Variants in ASB5 observed in about 807,000 individuals in gnomAD.
ASB5 encodes the protein ankyrin repeat and SOCS box containing 5.
ASB5 carries 45 observed loss-of-function variants against 42.1 expected under a neutral mutation model. The ratio of observed to expected loss-of-function variants is 1.07; its 90% confidence interval spans 0.84 to 1.37. The LOEUF (loss-of-function observed/expected upper bound fraction) is 1.37. Ranked by LOEUF, ASB5 falls within the 40% of genes most tolerant of loss-of-function variation. The pLI is 0.00. For synonymous variants in ASB5, 147 were observed against 150.6 expected (o/e 0.98, Z 0.18); for missense variants, 402 against 399.8 (o/e 1.01, Z -0.05).
chr4:176,216,328 G>A (rs1310875769), intron 6 of ASB5, among the ~76,000 whole-genome samples: 1 of 152,118 alleles, frequency 6.6e-6, no homozygotes, highest in African/African-American at 2.4e-5. Flanking sequence ...GTTTAGGTAA[G>A]ATGAAAGAGA....
upstream of ASB5, among the ~76,000 whole-genome samples, chr4:176,273,970 A>G (rs1302267216): frequency 1.3e-5 from 2 of 152,180 alleles, no homozygotes; most frequent in Non-Finnish European, 2.9e-5. Context: ...ACCTAAGTCC[A>G]TGTACTTATC....
rs781353025 is a variant in ASB5, at chr4:176,216,989, T to C, written c.691A>G (p.Lys231Glu). 3.7e-6 allele frequency: 6 copies of C among 1,608,866 alleles called. No individual in the cohort carries two copies. The highest frequency in any genetic ancestry group is 5.1e-6 in the Non-Finnish European group (6 of 1,178,370). ...GCATGTAATGGAGTATCCCAATATT[T>C]GCCTTTCTGTACGTCAGCACCTACA... ...LYAGADVQKG[K>E]YWDTPLHAAA... Residue 231 changes from lysine to glutamate, a missense_variant, in exon 6 of 7, where the codon AAA (lysine) becomes GAA (glutamate). By Grantham distance (56) the Lys-to-Glu change is moderately conservative. Transcript: ENST00000296525.
At chr4:176,227,732 C>T (rs1276412875) in intron 1 of ASB5, among the ~76,000 whole-genome samples, 1 of 152,136 alleles carries the variant, frequency 6.6e-6, no homozygotes, top group Admixed American at 6.5e-5. Flanking sequence ...ACTGCAGCCT[C>T]CTACCTGCAG....
At chr4:176,254,379 C>T (rs1408715192) in intron 1 of ASB5, among the ~76,000 whole-genome samples, 1 of 152,048 alleles carries the variant, frequency 6.6e-6, no homozygotes, top group Non-Finnish European at 1.5e-5. Context: ...TGAAACTGGA[C>T]CCCTTCCTTA....
intron 1 of ASB5, chr4:176,237,171 A>G (rs1753706712): frequency 1.6e-6 from 1 of 617,998 alleles, no homozygotes; most frequent in Non-Finnish European, 2.0e-6. Flanking sequence ...TTGCCATGCC[A>G]TACATGTGCA....
At chr4:176,263,340 G>A (rs1357489658) in intron 1 of ASB5, among the ~76,000 whole-genome samples, 1 of 147,700 alleles carries the variant, frequency 6.8e-6, no homozygotes, top group Non-Finnish European at 1.5e-5. Context: ...CAGAAGGAGA[G>A]GAAAAGCATT....
chr4:176,219,454 T>G (rs183885315), intron 5 of ASB5, among the ~76,000 whole-genome samples: 2,631 of 38,566 alleles, frequency 0.068, 1 homozygote, highest in East Asian at 0.081. Context: ...TTGTATGATA[T>G]ATAAATATAT....
chr4:176,258,976 T>C (rs536425483), intron 1 of ASB5, among the ~76,000 whole-genome samples: 2 of 152,304 alleles, frequency 1.3e-5, no homozygotes, highest in South Asian at 2.1e-4. Flanking sequence ...AGGTTTTTTT[T>C]CTCCAGCCAG....
At chr4:176,267,204 G>GT (rs1459837579) in intron 1 of ASB5, among the ~76,000 whole-genome samples, 3 of 152,182 alleles carry the variant, frequency 2.0e-5, no homozygotes, top group Non-Finnish European at 4.4e-5. Flanking sequence ...GTTTACTCGT[G>GT]TATCTGCAAA....
At chr4:176,259,423 C>A (rs1384466559) in intron 1 of ASB5, among the ~76,000 whole-genome samples, 1 of 152,168 alleles carries the variant, frequency 6.6e-6, no homozygotes, top group Non-Finnish European at 1.5e-5. Context: ...CATAAGTGCA[C>A]ATAAATCTCC....
rs1752910302 is a variant in ASB5, at chr4:176,214,363, T to C, written c.*1237A>G. 1 of 152,148 alleles carries C rather than the reference T, an allele frequency of 6.6e-6. No homozygotes were observed. Among genetic ancestry groups the C allele is most frequent in the Admixed American group, 6.6e-5 (1 of 15,252 alleles). The allele number at this position is 152,148 out of a possible 1,614,324, so 9.4% of individuals were successfully genotyped here. The stretch of plus-strand genomic sequence containing the variant: ...GTTTTACAAAGAGTTGTACGTTGAT[T>C]ATCTTATTTCTAAAATCATAATAGG... On this transcript the variant is annotated 3_prime_UTR_variant, in exon 7 of 7. Coordinates refer to ENST00000296525, the MANE Select transcript of ASB5 (RefSeq NM_080874.4).
chr4:176,216,233 A>G lies in ASB5; in HGVS notation c.863-506T>C, dbSNP rs186497666. On this transcript the variant is annotated intron_variant, in intron 6 of 6. Coordinates refer to ENST00000296525, the MANE Select transcript of ASB5 (RefSeq NM_080874.4). ...CCTTATAAAATGGGGCATGCTCCAA[A>G]TATAAATCAGCAGATATTATACCAG... 2.1e-3 allele frequency among the ~76,000 whole-genome samples: 325 copies of G among 152,320 alleles called. 3 individuals carry two copies. Among genetic ancestry groups the G allele is most frequent in the African/African-American group, 7.4e-3 (309 of 41,580 alleles).
chr4:176,253,941 G>T (rs905362782), intron 1 of ASB5, among the ~76,000 whole-genome samples: 2 of 152,120 alleles, frequency 1.3e-5, no homozygotes, highest in Non-Finnish European at 2.9e-5. Context: ...TTCCATGCTC[G>T]TGGATTTGAA....
chr4:176,261,282 A>G (rs1373694816), intron 1 of ASB5, among the ~76,000 whole-genome samples: 3 of 152,236 alleles, frequency 2.0e-5, no homozygotes, highest in Non-Finnish European at 4.4e-5. Flanking sequence ...TGAAACACAC[A>G]TAATGACATA....
At chr4:176,242,009 G>A (rs1468117899) in intron 1 of ASB5, among the ~76,000 whole-genome samples, 1 of 152,160 alleles carries the variant, frequency 6.6e-6, no homozygotes, top group Non-Finnish European at 1.5e-5. Flanking sequence ...GGTCAAAGGG[G>A]AAGATCCGGT....
chr4:176,223,288 C>T (rs1753276696), intron 2 of ASB5, among the ~76,000 whole-genome samples: 1 of 152,052 alleles, frequency 6.6e-6, no homozygotes, highest in East Asian at 1.9e-4. Flanking sequence ...GGACAAATAC[C>T]TTAACCTCTA....
intron 1 of ASB5, among the ~76,000 whole-genome samples, chr4:176,251,564 TAAAAAAAA>T (rs34392287): frequency 5.6e-3 from 58 of 10,326 alleles, no homozygotes; most frequent in African/African-American, 0.022. Context: ...TCTGTCTCAT[TAAAAAAAA>T]AAAAAAAAAA....
intron 1 of ASB5, among the ~76,000 whole-genome samples, chr4:176,227,600 C>T (rs1257397763): frequency 1.3e-5 from 2 of 152,202 alleles, no homozygotes; most frequent in African/African-American, 2.4e-5. Flanking sequence ...TATCCTCACC[C>T]TGATCCTTTG....
At chr4:176,264,931 C>T (rs909836242) in intron 1 of ASB5, among the ~76,000 whole-genome samples, 1 of 151,752 alleles carries the variant, frequency 6.6e-6, no homozygotes, top group Admixed American at 6.6e-5. Context: ...GTTTTCTGTC[C>T]GTACCACTAT....
Sources: gnomAD v4.1 joint callset for allele counts (sites outside exome capture counted in the v4.1 genomes callset) on GRCh38, gnomAD v4.1.1 for gene constraint, MANE v1.5 for transcripts, NCBI Gene and HGNC (gene_info 2026-07-23, HGNC 2026-07-21) for gene names.